Variants in PPP2R1B observed in about 807,000 individuals in gnomAD.
PPP2R1B encodes serine/threonine-protein phosphatase 2A 65 kDa regulatory subunit A beta isoform.
PPP2R1B carries 58 observed loss-of-function variants against 72.7 expected under a neutral mutation model. The ratio of observed to expected loss-of-function variants is 0.80; its 90% CI spans 0.65 to 0.99. PPP2R1B has a LOEUF of 0.99. PPP2R1B is among the 50% of genes least tolerant of loss of function. The probability of loss-of-function intolerance (pLI) is 0.00; values close to 1 mark genes in which losing one functional copy is unlikely to be tolerated. For synonymous variants in PPP2R1B, 256 were observed against 264.6 expected (o/e 0.97, Z 0.32); for missense variants, 695 against 733.6 (o/e 0.95, Z 0.61).
At chr11:111,749,369 C>T (rs971598843) in intron 10 of PPP2R1B, among the ~76,000 whole-genome samples, 5 of 151,846 alleles carry the variant, frequency 3.3e-5, no homozygotes, top group Non-Finnish European at 7.4e-5. Flanking sequence ...CTACAACCTC[C>T]GCCTCCTGGG....
chr11:111,706,469 C>T, the PPP2R1B span, among the ~76,000 whole-genome samples: 3 of 152,112 alleles, frequency 2.0e-5, no homozygotes, highest in African/African-American at 7.2e-5. Flanking sequence ...CTGTCTACTT[C>T]TGTAACTGAC....
In PPP2R1B at chr11:111,765,361, C is replaced by T; in HGVS notation, c.138G>A (p.Lys46=). The change falls in exon 2 of 15, where the codon AAG becomes AAA. Residue 46 remains lysine, a synonymous_variant. Transcript: ENST00000527614. ...CAAGTGCTAGGGCAATTGTTGATAA[C>T]TTCTTAATACTGTTGAGTCGGAGCT... ...DVQLRLNSIK[K]LSTIALALGV... 1 of 1,612,984 alleles carries T rather than the reference C, an allele frequency of 6.2e-7. No individual in the cohort carries two copies. The highest frequency in any genetic ancestry group is 8.5e-7 in the Non-Finnish European group (1 of 1,179,348).
chr11:111,761,082 G>A, intron 3 of PPP2R1B, 31 bp from the exon 4 acceptor site: 1 of 1,567,102 alleles, frequency 6.4e-7, no homozygotes, highest in South Asian at 1.1e-5. Context: ...AACCAGAGAA[G>A]AAAACTTATT....
chr11:111,712,679 GGTTT>G, the PPP2R1B span, among the ~76,000 whole-genome samples: 122 of 152,204 alleles, frequency 8.0e-4, no homozygotes, highest in Middle Eastern at 3.4e-3. Context: ...ACAAGTGTTT[GGTTT>G]GTTTGTTTGT....
chr11:111,764,855 C>T lies in PPP2R1B; in HGVS notation c.256G>A (p.Gly86Arg), dbSNP rs782540147. 3 of 1,614,048 alleles carry T rather than the reference C, an allele frequency of 1.9e-6. No homozygotes were observed. The South Asian group carries it at 3.3e-5, about 18-fold the overall frequency. ...CCTCCCACTAGGCCAGTGAAATTTC[C>T]CAGCTGCTCAGCAAGAGCTAATAGT... ...EVLLALAEQL[G>R]NFTGLVGGPD... The change falls in exon 3 of 15, where the codon GGA becomes AGA. Residue 86 changes from glycine to arginine, a missense_variant. Coordinates refer to ENST00000527614, the MANE Select transcript of PPP2R1B (RefSeq NM_002716.5).
chr11:111,693,678 G>A, the PPP2R1B span, among the ~76,000 whole-genome samples: 3 of 152,206 alleles, frequency 2.0e-5, no homozygotes, highest in African/African-American at 7.2e-5. Flanking sequence ...TTCATGTAGA[G>A]TACTGAGTTG....
chr11:111,716,553 G>C, the PPP2R1B span, among the ~76,000 whole-genome samples: 1 of 152,020 alleles, frequency 6.6e-6, no homozygotes, highest in Non-Finnish European at 1.5e-5. Context: ...CTCCAGCCTG[G>C]GCGACAGAGT....
the PPP2R1B span, chr11:111,712,341 C>T: frequency 6.2e-6 from 10 of 1,614,184 alleles, no homozygotes; most frequent in Non-Finnish European, 8.5e-6. Flanking sequence ...GCGGAAGCTG[C>T]ATTCATGGAA....
the PPP2R1B span, among the ~76,000 whole-genome samples, chr11:111,705,432 C>T: frequency 6.6e-6 from 1 of 152,088 alleles, no homozygotes; most frequent in East Asian, 1.9e-4. This position sits in a 1 kb window ranked among gnomAD's most constrained non-coding sequence, Gnocchi z 4.3. Flanking sequence ...ACAGATTTAC[C>T]ACGTGCGAGC....
At chr11:111,744,567 C>T (rs1406447310) in intron 11 of PPP2R1B, among the ~76,000 whole-genome samples, 2 of 152,226 alleles carry the variant, frequency 1.3e-5, no homozygotes, top group Non-Finnish European at 2.9e-5. Context: ...TGTCACTTCA[C>T]TTTACAGATC....
downstream of PPP2R1B, chr11:111,726,895 AT>A (rs1943985774): frequency 6.8e-7 from 1 of 1,473,866 alleles, no homozygotes; most frequent in African/African-American, 1.4e-5. Flanking sequence ...TGAGGTAAAA[AT>A]TTCGTTCGGC....
chr11:111,705,030 T>C, the PPP2R1B span: 1 of 1,609,530 alleles, frequency 6.2e-7, no homozygotes, highest in Non-Finnish European at 8.5e-7. This position sits in a 1 kb window ranked among gnomAD's most constrained non-coding sequence, Gnocchi z 4.3. Flanking sequence ...GCCATTTATT[T>C]CTTGTTGGTG....
At chr11:111,730,330 G>A (rs1322575283) in intron 15 of PPP2R1B, 1 of 152,182 alleles carries the variant, frequency 6.6e-6, no homozygotes, top group Non-Finnish European at 1.5e-5. Flanking sequence ...AAATTCAAGT[G>A]GTGAGACCTT....
chr11:111,737,432 G>A, downstream of PPP2R1B: 1 of 1,614,190 alleles, frequency 6.2e-7, no homozygotes, highest in Non-Finnish European at 8.5e-7. Context: ...TTGACCCCAG[G>A]CTTCCGGGCA....
rs1220378685 is a variant in PPP2R1B, at chr11:111,738,920, G to C, written c.*2676C>G. On this transcript the variant is annotated 3_prime_UTR_variant, in exon 15 of 15. Transcript: ENST00000527614. ...TGTGTGTGTGTGTGTGTGTGTGTGTGTGTGTCTGCTTCATTTTTCTAATCA... is the reference window on the plus strand; with the variant it reads ...TGTGTGTGTGTGTGTGTGTGTGTGTCTGTGTCTGCTTCATTTTTCTAATCA... 6.1e-6 allele frequency: 6 copies of C among 982,384 alleles called. No individual in the cohort carries two copies. The highest frequency in any genetic ancestry group is 6.0e-6 in the Non-Finnish European group (5 of 828,412). 60.9% of individuals were successfully genotyped at this position (982,384 alleles called of 1,614,324 possible).
Position 111,743,414 on chromosome 11 carries a change from T to TA in PPP2R1B, c.1515dup (p.Asn506Ter). On this transcript the variant is annotated frameshift_variant, in exon 12 of 15. Transcript: ENST00000527614. LOFTEE classifies it high-confidence loss of function. Reference sequence around the variant, plus strand: ...AAAGTGGTCATTCTATGCAAGTAATTAGGATCATTTGCCATTACTAACACT... The same window carrying TA: ...AAAGTGGTCATTCTATGCAAGTAATTAAGGATCATTTGCCATTACTAACACT... 6.2e-7 allele frequency: 1 copy of TA among 1,612,634 alleles called. No homozygotes were observed. The highest frequency in any genetic ancestry group is 8.5e-7 in the Non-Finnish European group (1 of 1,178,694).
At chr11:111,735,593 C>T (rs1944316491), downstream of PPP2R1B, among the ~76,000 whole-genome samples, 1 of 152,184 alleles carries the variant, frequency 6.6e-6, no homozygotes, top group Non-Finnish European at 1.5e-5. Flanking sequence ...ACAGAGGCAC[C>T]TCCACAGACT....
In PPP2R1B at chr11:111,740,822, C is replaced by G. The variant is rs778669505; in HGVS notation, c.*774G>C. ...ACAGAACTGCAATCTCACAATGAAA[C>G]AAACATACTGCTTATTAGGAGGCAC... On this transcript the variant is annotated 3_prime_UTR_variant, in exon 15 of 15. Transcript: ENST00000527614. 13 of 985,336 alleles carry G rather than the reference C, an allele frequency of 1.3e-5. No individual in the cohort carries two copies. Among genetic ancestry groups the G allele is most frequent in the Non-Finnish European group, 1.6e-5 (13 of 829,864 alleles). 61.0% of individuals were successfully genotyped at this position (985,336 alleles called of 1,614,324 possible).
At chr11:111,749,301 C>T (rs1033663311) in intron 10 of PPP2R1B, among the ~76,000 whole-genome samples, 18 of 148,774 alleles carry the variant, frequency 1.2e-4, no homozygotes, top group African/African-American at 4.5e-4. Flanking sequence ...TTGTTGTTGT[C>T]GAGACGGAAT....
Sources: allele counts gnomAD v4.1 joint callset (sites outside exome capture counted in the v4.1 genomes callset), GRCh38; gene constraint gnomAD v4.1.1; non-coding constraint Gnocchi (gnomAD v3.1); transcripts MANE v1.5; gene names NCBI Gene and HGNC (gene_info 2026-07-23, HGNC 2026-07-21).